KIF3C: variants seen among roughly 807,000 people sequenced by gnomAD.
The protein encoded by KIF3C is kinesin family member 3C.
KIF3C carries 12 observed loss-of-function variants against 67.7 expected under a neutral mutation model. The observed-to-expected ratio is 0.18, with a 90% CI of 0.11 to 0.29. The LOEUF (loss-of-function observed/expected upper bound fraction) is 0.29. Among genes scored for constraint, KIF3C ranks in the 10% least tolerant of loss-of-function variants. KIF3C has a pLI of 1.00. For synonymous variants in KIF3C, 393 were observed against 426.2 expected, an observed-to-expected ratio of 0.92 and a Z score of 0.96; for missense variants, 789 against 1,059.6, an observed-to-expected ratio of 0.74 and a Z score of 3.55.
intron 5 of KIF3C, among the ~76,000 whole-genome samples, chr2:25,931,747 T>G (rs2090460411): frequency 1.3e-5 from 2 of 151,532 alleles, no homozygotes; most frequent in South Asian, 4.2e-4. Context: ...AAGTGATTCT[T>G]GTGCCTCAGC....
chr2:25,950,962 G>GATGCTT (rs1663594395), intron 5 of KIF3C, among the ~76,000 whole-genome samples: 3 of 151,970 alleles, frequency 2.0e-5, no homozygotes, highest in Admixed American at 2.0e-4. Context: ...GTAGGCATCT[G>GATGCTT]ATGCTTCAGT....
Position 25,982,019 on chromosome 2 carries a change from G to C in KIF3C, c.-102C>G, listed in dbSNP as rs1364952962. On this transcript the variant is annotated 5_prime_UTR_variant, in exon 1 of 8. Transcript: ENST00000264712. ...ATCAGCGGGGCCGGCCCAGCCCCCA[G>C]GCGCAGCTCTTCAATCCGCATGCAG... 56 of 951,116 alleles carry C rather than the reference G, an allele frequency of 5.9e-5. No individual in the cohort carries two copies. Among genetic ancestry groups the C allele is most frequent in the Non-Finnish European group, 7.9e-5 (52 of 656,656 alleles). 58.9% of individuals were successfully genotyped at this position (951,116 alleles called of 1,614,324 possible). A position where few individuals can be genotyped will look rare whatever the true frequency, so the allele number is the denominator to read the frequency against.
intron 5 of KIF3C, among the ~76,000 whole-genome samples, chr2:25,946,813 C>G (rs550327298): frequency 2.6e-5 from 4 of 151,828 alleles, no homozygotes; most frequent in Non-Finnish European, 5.9e-5. Flanking sequence ...GAGATCGCGC[C>G]ACTGCACTCT....
At chr2:25,952,549 G>A (rs62129486) in intron 4 of KIF3C, among the ~76,000 whole-genome samples, 1,673 of 68,094 alleles carry the variant, frequency 0.025, 15 homozygotes, top group East Asian at 0.032. Context: ...GTGTGTGTGT[G>A]TATATATATA....
At chr2:25,946,811 G>A (rs1226957666) in intron 5 of KIF3C, among the ~76,000 whole-genome samples, 1 of 151,852 alleles carries the variant, frequency 6.6e-6, no homozygotes, top group South Asian at 2.1e-4. Context: ...CCGAGATCGC[G>A]CCACTGCACT....
chr2:25,982,489 G>A lies in KIF3C; in HGVS notation c.-572C>T, dbSNP rs1664653233. 1 of 398,210 alleles carries A rather than the reference G, an allele frequency of 2.5e-6. No homozygotes were observed. The highest frequency in any genetic ancestry group is 1.3e-4 in the South Asian group (1 of 7,852). 24.7% of individuals were successfully genotyped at this position (398,210 alleles called of 1,614,324 possible). ...CCGCCGCCGCCACTGGAGAATGAGA[G>A]AGAAAAACAGAAGGGGATGGGGCGG... On this transcript the variant is annotated 5_prime_UTR_variant, in exon 1 of 8. Coordinates refer to ENST00000264712, the MANE Select transcript of KIF3C (RefSeq NM_002254.8).
intron 5 of KIF3C, among the ~76,000 whole-genome samples, chr2:25,942,369 G>A (rs552341067): frequency 3.3e-5 from 5 of 151,420 alleles, no homozygotes; most frequent in African/African-American, 9.7e-5. Context: ...AAAATAAAAG[G>A]TTGTACTTGT....
chr2:25,941,888 T>C (rs1663291533), intron 5 of KIF3C, among the ~76,000 whole-genome samples: 1 of 151,868 alleles, frequency 6.6e-6, no homozygotes, highest in Non-Finnish European at 1.5e-5. Context: ...AAAAATTAAA[T>C]TAACTGGGCC....
At chr2:25,948,632 G>T (rs1012434025) in intron 5 of KIF3C, among the ~76,000 whole-genome samples, 1 of 100,578 alleles carries the variant, frequency 9.9e-6, no homozygotes, top group East Asian at 2.0e-4. Context: ...GAGAGAAAGA[G>T]AGAGAGAAAG....
chr2:25,939,997 G>A (rs1415543249), intron 5 of KIF3C, among the ~76,000 whole-genome samples: 1 of 151,988 alleles, frequency 6.6e-6, no homozygotes, highest in Non-Finnish European at 1.5e-5. Flanking sequence ...AAACCCAGAG[G>A]CAGTTTAACA....
intron 5 of KIF3C, among the ~76,000 whole-genome samples, chr2:25,936,713 C>T (rs1663141811): frequency 6.6e-6 from 1 of 152,108 alleles, no homozygotes; most frequent in Non-Finnish European, 1.5e-5. Flanking sequence ...TTGTCAATTG[C>T]TTTTCAAAGT....
chr2:25,956,243 T>G, intron 2 of KIF3C, 100 bp downstream of exon 2: 1 of 864,462 alleles, frequency 1.2e-6, no homozygotes, highest in Non-Finnish European at 1.9e-6. Flanking sequence ...GCACTGTAAT[T>G]CCAGAGATCC....
rs978893304 is a variant in KIF3C at position 25,982,376 on chromosome 2, G to T, written c.-459C>A. ...GCCGGGGGTCCCGGGCCTCCCGAGG[G>T]CAGAGGCTCACCTGGAGTCCTCCCC... is the stretch of plus-strand genomic sequence containing the variant. On this transcript the variant is annotated 5_prime_UTR_variant, in exon 1 of 8. Coordinates refer to ENST00000264712, the MANE Select transcript of KIF3C (RefSeq NM_002254.8). 1.5e-5 allele frequency: 6 copies of T among 398,960 alleles called. No individual in the cohort carries two copies. The highest frequency in any genetic ancestry group is 2.7e-5 in the Non-Finnish European group (6 of 226,412). The allele number at this position is 398,960 out of a possible 1,614,324, so 24.7% of individuals were successfully genotyped here. A position where few individuals can be genotyped will look rare whatever the true frequency, so the allele number is the denominator to read the frequency against.
chr2:25,964,012 T>A (rs1664077461), intron 1 of KIF3C, among the ~76,000 whole-genome samples: 1 of 152,132 alleles, frequency 6.6e-6, no homozygotes, highest in African/African-American at 2.4e-5. Flanking sequence ...ATTATTATTT[T>A]AAAAATTTGT....
At chr2:25,978,198 G>A (rs1664465374) in intron 1 of KIF3C, among the ~76,000 whole-genome samples, 1 of 152,110 alleles carries the variant, frequency 6.6e-6, no homozygotes, top group South Asian at 2.1e-4. Context: ...TTCCAGTCCT[G>A]GCTCTGCTGC....
At chr2:25,965,195 T>A (rs1664108596) in intron 1 of KIF3C, among the ~76,000 whole-genome samples, 3 of 152,106 alleles carry the variant, frequency 2.0e-5, no homozygotes, top group Admixed American at 1.3e-4. Flanking sequence ...ACCCACACTC[T>A]CAGCCAAGCC....
chr2:25,931,857 C>T (rs1184156575), intron 5 of KIF3C, among the ~76,000 whole-genome samples: 1 of 150,960 alleles, frequency 6.6e-6, no homozygotes, highest in Non-Finnish European at 1.5e-5. Context: ...TGGTCTCGAA[C>T]TCCTGACCTC....
intron 1 of KIF3C, among the ~76,000 whole-genome samples, chr2:25,977,495 TA>T (rs1664446919): frequency 2.0e-5 from 3 of 152,134 alleles, no homozygotes; most frequent in African/African-American, 7.2e-5. Flanking sequence ...TGCCTGGCTC[TA>T]CTCCCAGCAA....
intron 5 of KIF3C, among the ~76,000 whole-genome samples, chr2:25,948,275 C>A (rs966895163): frequency 1.3e-5 from 2 of 152,056 alleles, no homozygotes; most frequent in African/African-American, 4.8e-5. Flanking sequence ...GAAGTCCAGG[C>A]TGGGTGGGGT....
Sources: allele counts gnomAD v4.1 joint callset (sites outside exome capture counted in the v4.1 genomes callset), GRCh38; gene constraint gnomAD v4.1.1; transcripts MANE v1.5; gene names NCBI Gene and HGNC (gene_info 2026-07-23, HGNC 2026-07-21).